The following PIAS1 variants were observed in gnomAD, a reference collection of about 807,000 sequenced individuals.
PIAS1 encodes the protein protein inhibitor of activated STAT 1.
PIAS1 carries 6 observed loss-of-function variants against 71.3 expected under a neutral mutation model. The ratio of observed to expected loss-of-function variants is 0.08; its 90% CI spans 0.05 to 0.17. The LOEUF is 0.17. Ranked by LOEUF, PIAS1 falls within the 10% of genes least tolerant of loss-of-function variation. PIAS1 has a pLI of 1.00. For missense variants in PIAS1, 555 were observed against 793.6 expected (o/e 0.70, Z 3.61); for synonymous variants, 303 against 292.9 (o/e 1.03, Z -0.35).
intron 2 of PIAS1, among the ~76,000 whole-genome samples, chr15:68,092,359 A>G (rs2092339277): frequency 6.6e-6 from 1 of 151,886 alleles, no homozygotes; most frequent in South Asian, 2.1e-4. Context: ...TTTTGTAGAG[A>G]CGGAGTTTTG....
Position 68,187,653 on chromosome 15 carries a change from C to G in PIAS1, c.1774C>G (p.Gln592Glu). 6.2e-7 allele frequency: 1 copy of G among 1,613,956 alleles called. No individual in the cohort carries two copies. Among genetic ancestry groups the G allele is most frequent in the East Asian group, 2.2e-5 (1 of 44,882 alleles). Reference sequence around the variant, plus strand: ...TACCTCCTCACAGATGTTTCTTGATCAGTTAAGTGCAGGAGGCAGTACTTC... The same window carrying G: ...TACCTCCTCACAGATGTTTCTTGATGAGTTAAGTGCAGGAGGCAGTACTTC... ...PYTSSQMFLD[Q>E]LSAGGSTSLP... Residue 592 changes from glutamine to glutamate, a missense_variant, in exon 14 of 14, where the codon CAG becomes GAG. By Grantham distance (29) the Gln-to-Glu change is conservative (BLOSUM62 2). Coordinates refer to ENST00000249636, the MANE Select transcript of PIAS1 (RefSeq NM_016166.3). This position sits in a 1 kb window ranked among gnomAD's most constrained non-coding sequence, Gnocchi z 5.3.
chr15:68,156,865 A>T (rs2092893794), intron 7 of PIAS1, among the ~76,000 whole-genome samples: 1 of 152,344 alleles, frequency 6.6e-6, no homozygotes, highest in East Asian at 1.9e-4. Flanking sequence ...ACACGATTAC[A>T]TTTAGACAAT....
chr15:68,121,220 A>G (rs941985227), intron 2 of PIAS1, among the ~76,000 whole-genome samples: 1 of 147,046 alleles, frequency 6.8e-6, no homozygotes, highest in South Asian at 2.1e-4. Context: ...TTTTTGTAAG[A>G]TGTTTTTGCT....
chr15:68,126,365 T>A (rs1222570781), intron 2 of PIAS1, among the ~76,000 whole-genome samples: 2 of 152,312 alleles, frequency 1.3e-5, no homozygotes, highest in East Asian at 3.9e-4. Context: ...CCTTTGTGCA[T>A]CGTATTTTTA....
intron 2 of PIAS1, among the ~76,000 whole-genome samples, chr15:68,120,210 A>C (rs1050638893): frequency 6.6e-6 from 1 of 151,800 alleles, no homozygotes; most frequent in Admixed American, 6.6e-5. Context: ...CTTATACTTA[A>C]AGTGGATTTC....
Position 68,186,764 on chromosome 15 carries a change from C to T in PIAS1, c.1663-778C>T, listed in dbSNP as rs1441099765. Among the ~76,000 whole-genome samples the T allele has an allele frequency of 6.6e-6, 1 of 152,226 alleles. No individual in the cohort carries two copies. Among genetic ancestry groups the T allele is most frequent in the East Asian group, 1.9e-4 (1 of 5,204 alleles). ...TATGTTGAGATATACACATACTTAG[C>T]ATTGTGTTACAGTTGCCTACGGCAT... On this transcript the variant is annotated intron_variant, in intron 13 of 13. Coordinates refer to ENST00000249636, the MANE Select transcript of PIAS1 (RefSeq NM_016166.3). This position sits in a 1 kb window ranked among gnomAD's most constrained non-coding sequence, Gnocchi z 4.4.
intron 7 of PIAS1, among the ~76,000 whole-genome samples, chr15:68,155,091 A>C (rs1261402328): frequency 1.3e-5 from 2 of 152,164 alleles, no homozygotes; most frequent in African/African-American, 4.8e-5. Flanking sequence ...CAACAACAAC[A>C]ATAAGGCCAA....
intron 2 of PIAS1, among the ~76,000 whole-genome samples, chr15:68,094,662 G>T (rs899156923): frequency 6.6e-6 from 1 of 152,094 alleles, no homozygotes; most frequent in Non-Finnish European, 1.5e-5. Flanking sequence ...ATTCAAGGAC[G>T]CAGGCTCTGA....
chr15:68,158,818 C>G (rs1267543772), intron 7 of PIAS1, among the ~76,000 whole-genome samples: 1 of 151,990 alleles, frequency 6.6e-6, no homozygotes. Flanking sequence ...TAATAACAAC[C>G]CCAGAACACC....
chr15:68,062,656 A>AT (rs1376060618), intron 1 of PIAS1, among the ~76,000 whole-genome samples: 2 of 152,068 alleles, frequency 1.3e-5, no homozygotes, highest in African/African-American at 4.8e-5. Flanking sequence ...TCTTGTATTC[A>AT]TTTTTTTCTC....
At chr15:68,104,154 A>G (rs1286057046) in intron 2 of PIAS1, among the ~76,000 whole-genome samples, 1 of 152,166 alleles carries the variant, frequency 6.6e-6, no homozygotes, top group Non-Finnish European at 1.5e-5. Context: ...GTGACATCTC[A>G]TTGTAGTAGA....
At chr15:68,055,880 C>G in intron 1 of PIAS1, 1 of 700,280 alleles carries the variant, frequency 1.4e-6, no homozygotes, top group Non-Finnish European at 2.6e-6. Flanking sequence ...CTAATAACTT[C>G]ACAATGTTTA....
At position 68,145,553 on chromosome 15, in the gene PIAS1, A is replaced by T. The variant is rs140705251; in HGVS notation, c.603-263A>T. Among the ~76,000 whole-genome samples the T allele has an allele frequency of 4.1e-3, 618 of 152,304 alleles. 1 individual carries two copies. The highest frequency in any genetic ancestry group is 7.0e-3 in the Non-Finnish European group (474 of 68,010). ...ATCACTGAAGAAACTAGTGCTTCTC[A>T]GAACATGCTTAACCAAATAATTGGC... is the stretch of plus-strand genomic sequence containing the variant. On this transcript the variant is annotated intron_variant, in intron 4 of 13. Transcript: ENST00000249636.
chr15:68,066,791 C>A (rs1302422219), intron 1 of PIAS1, among the ~76,000 whole-genome samples: 1 of 150,110 alleles, frequency 6.7e-6, no homozygotes, highest in Non-Finnish European at 1.5e-5. Flanking sequence ...AGGTTAAAGA[C>A]CTTTAAAAAA....
At chr15:68,087,423 A>C (rs1367897672) in intron 2 of PIAS1, among the ~76,000 whole-genome samples, 1 of 152,234 alleles carries the variant, frequency 6.6e-6, no homozygotes, top group Non-Finnish European at 1.5e-5. Flanking sequence ...TATTTAACGT[A>C]GAATAAAACT....
At chr15:68,128,108 A>C (rs1395258787) in intron 2 of PIAS1, among the ~76,000 whole-genome samples, 1 of 152,112 alleles carries the variant, frequency 6.6e-6, no homozygotes, top group Non-Finnish European at 1.5e-5. Flanking sequence ...TCAACTTAGC[A>C]GTCTAGAATG....
At chr15:68,128,631 C>T (rs2092669086) in intron 2 of PIAS1, among the ~76,000 whole-genome samples, 1 of 151,968 alleles carries the variant, frequency 6.6e-6, no homozygotes, top group Non-Finnish European at 1.5e-5. Context: ...AAAAATATGA[C>T]TGTTTTTTAT....
At chr15:68,075,889 A>C (rs542708247) in intron 1 of PIAS1, among the ~76,000 whole-genome samples, 1 of 150,072 alleles carries the variant, frequency 6.7e-6, no homozygotes, top group Non-Finnish European at 1.5e-5. Flanking sequence ...TTCAAGTGCT[A>C]TTCCTGCCTC....
At chr15:68,061,736 A>G (rs750865239) in intron 1 of PIAS1, among the ~76,000 whole-genome samples, 3 of 152,184 alleles carry the variant, frequency 2.0e-5, no homozygotes, top group South Asian at 2.1e-4. Context: ...TGTCACTCCT[A>G]TCTATAAAAA....
Sources: gnomAD v4.1 joint callset for allele counts (sites outside exome capture counted in the v4.1 genomes callset) on GRCh38, gnomAD v4.1.1 for gene constraint, Gnocchi (gnomAD v3.1) non-coding constraint, MANE v1.5 for transcripts, NCBI Gene and HGNC (gene_info 2026-07-23, HGNC 2026-07-21) for gene names.